ALG2: variants seen among roughly 807,000 people sequenced by gnomAD.
The protein encoded by ALG2 is ALG2 alpha-1,3/1,6-mannosyltransferase.
ALG2 carries 32 observed loss-of-function variants against 30.5 expected under a neutral mutation model. The observed-to-expected ratio is 1.05, with a 90% CI of 0.79 to 1.41. The LOEUF (loss-of-function observed/expected upper bound fraction) is 1.41, where lower values mean the gene tolerates loss of function less well. ALG2 is among the 40% of genes most tolerant of loss of function. The pLI is 0.00. For synonymous variants in ALG2, 253 were observed against 224.8 expected (o/e 1.13, Z -1.12); for missense variants, 574 against 526.4 (o/e 1.09, Z -0.88).
intron 1 of ALG2, 100 bp downstream of exon 1, chr9:99,221,447 C>A: frequency 7.5e-7 from 1 of 1,337,244 alleles, no homozygotes; most frequent in Non-Finnish European, 1.0e-6. Flanking sequence ...CCGATCTTTG[C>A]GAACCGCAGA....
At chr9:99,221,245 G>T in intron 1 of ALG2, 1 of 1,174,198 alleles carries the variant, frequency 8.5e-7, no homozygotes, top group Non-Finnish European at 1.1e-6. Context: ...GTTTCTCAGA[G>T]CCCCAAAGAC....
chr9:99,220,960 C>T (rs763788035), intron 1 of ALG2: 2 of 1,351,742 alleles, frequency 1.5e-6, no homozygotes, highest in South Asian at 2.3e-5. Context: ...CAGGGCAGAT[C>T]CAGGTGGACA....
Position 99,218,199 on chromosome 9 carries a change from A to G in ALG2, c.986T>C (p.Ile329Thr). The G allele has an allele frequency of 6.2e-7, 1 of 1,614,000 alleles. No individual in the cohort carries two copies. The highest frequency in any genetic ancestry group is 8.5e-7 in the Non-Finnish European group (1 of 1,179,854). ...CATGTACATGGCTTCCAGAGGGACA[A>G]TGCCAAAGTGCTCATTGCTTGGTGT... ...LYTPSNEHFGIVPLEAMYMQC... is the reference protein window; with the variant it reads ...LYTPSNEHFGTVPLEAMYMQC... The change falls in exon 2 of 2, where the codon ATT (isoleucine) becomes ACT (threonine). Residue 329 changes from isoleucine to threonine, a missense_variant. Physicochemically the swap from Ile to Thr is moderately conservative, Grantham distance 89 (BLOSUM62 -1). Transcript: ENST00000476832.
In ALG2 at chr9:99,216,963, G is replaced by A. The variant is rs938467868; in HGVS notation, c.*971C>T. The A allele has an allele frequency of 2.2e-6, 1 of 454,118 alleles. No homozygotes were observed. Among genetic ancestry groups the A allele is most frequent in the Non-Finnish European group, 4.4e-6 (1 of 226,796 alleles). 28.1% of individuals were successfully genotyped at this position (454,118 alleles called of 1,614,324 possible). A position where few individuals can be genotyped will look rare whatever the true frequency, so the allele number is the denominator to read the frequency against. On this transcript the variant is annotated 3_prime_UTR_variant, in exon 2 of 2. Coordinates refer to ENST00000476832, the MANE Select transcript of ALG2 (RefSeq NM_033087.4). ...TTATGATTTGCTGTTAGACCAACAG[G>A]TAAACAGTGAACTATAAGTCAGTGT...
rs542429917 is a variant in ALG2 at position 99,217,096 on chromosome 9, T to C, written c.*838A>G. On this transcript the variant is annotated 3_prime_UTR_variant, in exon 2 of 2. Coordinates refer to ENST00000476832, the MANE Select transcript of ALG2 (RefSeq NM_033087.4). Reference sequence around the variant, plus strand: ...AAAGAAAGCTTTGCAGCAGTGGCATTTGAGCCAGGCCTTGGAAGATAAAAA... The same window carrying C: ...AAAGAAAGCTTTGCAGCAGTGGCATCTGAGCCAGGCCTTGGAAGATAAAAA... 3 of 454,098 alleles carry C rather than the reference T, an allele frequency of 6.6e-6. No individual in the cohort carries two copies. Among genetic ancestry groups the C allele is most frequent in the Non-Finnish European group, 1.3e-5 (3 of 226,786 alleles). The allele number at this position is 454,098 out of a possible 1,614,324, so 28.1% of individuals were successfully genotyped here. A position where few individuals can be genotyped will look rare whatever the true frequency, so the allele number is the denominator to read the frequency against.
chr9:99,218,046 G>T lies in ALG2; in HGVS notation c.1139C>A (p.Pro380His), dbSNP rs1255471026. The T allele has an allele frequency of 6.2e-7, 1 of 1,614,162 alleles. No homozygotes were observed. The highest frequency in any genetic ancestry group is 8.5e-7 in the Non-Finnish European group (1 of 1,180,022). ...CAGGCCCATGGTGGCTTTTAAGGAAGGTTCACGGATGAACTTTTCTATTGC... is the reference window on the plus strand; with the variant it reads ...CAGGCCCATGGTGGCTTTTAAGGAATGTTCACGGATGAACTTTTCTATTGC... The part of the protein sequence containing the change: ...SEAIEKFIRE[P>H]SLKATMGLAG... Residue 380 changes from proline to histidine, a missense_variant, in exon 2 of 2, where the codon CCT becomes CAT. Coordinates refer to ENST00000476832, the MANE Select transcript of ALG2 (RefSeq NM_033087.4).
chr9:99,221,474 T>G, intron 1 of ALG2, 73 bp downstream of exon 1: 1 of 1,467,788 alleles, frequency 6.8e-7, no homozygotes, highest in South Asian at 1.2e-5. Context: ...AGGTCTTCTC[T>G]CAGGGGTCAT....
rs1422273901 is a variant in ALG2, at chr9:99,217,465, G to C, written c.*469C>G. The C allele has an allele frequency of 4.4e-6, 2 of 454,306 alleles. No homozygotes were observed. Among genetic ancestry groups the C allele is most frequent in the Non-Finnish European group, 8.8e-6 (2 of 226,920 alleles). 28.1% of individuals were successfully genotyped at this position (454,306 alleles called of 1,614,324 possible). On this transcript the variant is annotated 3_prime_UTR_variant, in exon 2 of 2. Coordinates refer to ENST00000476832, the MANE Select transcript of ALG2 (RefSeq NM_033087.4). ...CTCGCTATGGATCCAGGCAAAGACAGGACAAACAAAAATTCCCTAACAGAT... is the reference window on the plus strand; with the variant it reads ...CTCGCTATGGATCCAGGCAAAGACACGACAAACAAAAATTCCCTAACAGAT...
rs1332905591 is a variant in ALG2, at chr9:99,217,457, CAA to C, written c.*475_*476del. On this transcript the variant is annotated 3_prime_UTR_variant, in exon 2 of 2. Coordinates refer to ENST00000476832, the MANE Select transcript of ALG2 (RefSeq NM_033087.4). The stretch of plus-strand genomic sequence containing the variant: ...AGAGCACTCTCGCTATGGATCCAGG[CAA>C]AGACAGGACAAACAAAAATTCCCTA... The C allele has an allele frequency of 4.4e-6, 2 of 454,220 alleles. No homozygotes were observed. The highest frequency in any genetic ancestry group is 4.4e-6 in the Non-Finnish European group (1 of 226,884). The allele number at this position is 454,220 out of a possible 1,614,324, so 28.1% of individuals were successfully genotyped here. A position where few individuals can be genotyped will look rare whatever the true frequency, so the allele number is the denominator to read the frequency against.
chr9:99,221,086 T>G (rs1828790911), intron 1 of ALG2: 1 of 1,360,560 alleles, frequency 7.3e-7, no homozygotes, highest in Admixed American at 1.9e-5. Context: ...ATGACACTGC[T>G]GAGGACGGTG....
At chr9:99,218,944 C>G in intron 1 of ALG2, 108 bp from the exon 2 acceptor site, 1 of 1,189,530 alleles carries the variant, frequency 8.4e-7, no homozygotes. Flanking sequence ...TCCTCATGGG[C>G]AATGTCTGAT....
rs772364404 is a variant in ALG2 at position 99,218,783 on chromosome 9, T to C, written c.402A>G (p.Leu134=). Reference sequence around the variant, plus strand: ...GCAGATCTGGGAAGTGACAGTAAAATAGGATCTTCTTCCGCCGTCTAGCCA... The same window carrying C: ...GCAGATCTGGGAAGTGACAGTAAAACAGGATCTTCTTCCGCCGTCTAGCCA... The part of the protein sequence containing the change: ...FRLARRRKKI[L]FYCHFPDLLL... Residue 134 remains leucine (L), a synonymous_variant, in exon 2 of 2, where the codon CTA becomes CTG. Transcript: ENST00000476832. 68 of 1,612,046 alleles carry C rather than the reference T, an allele frequency of 4.2e-5. No individual in the cohort carries two copies. The highest frequency in any genetic ancestry group is 5.7e-5 in the Non-Finnish European group (67 of 1,180,018).
Position 99,221,883 on chromosome 9 carries a change from C to G in ALG2, c.12G>C (p.Glu4Asp), listed in dbSNP as rs1036766977. Reference sequence around the variant, plus strand: ...GAACCGAGTCCCGTTCCCGGCCCTGCTCCTCCGCCATGGCCCTGGAGCCGC... The same window carrying G: ...GAACCGAGTCCCGTTCCCGGCCCTGGTCCTCCGCCATGGCCCTGGAGCCGC... MAEEQGRERDSVPK... is the reference protein window; with the variant it reads MAEDQGRERDSVPK... The change falls in exon 1 of 2, where the codon GAG becomes GAC. Residue 4 changes from glutamate to aspartate, a missense_variant. By Grantham distance (45) the Glu-to-Asp change is conservative. Coordinates refer to ENST00000476832, the MANE Select transcript of ALG2 (RefSeq NM_033087.4). The G allele has an allele frequency of 6.3e-7, 1 of 1,588,354 alleles. No individual in the cohort carries two copies. The highest frequency in any genetic ancestry group is 8.5e-7 in the Non-Finnish European group (1 of 1,174,822).
chr9:99,220,660 A>T (rs895416631), intron 1 of ALG2, among the ~76,000 whole-genome samples: 1 of 151,734 alleles, frequency 6.6e-6, no homozygotes, highest in Non-Finnish European at 1.5e-5. Context: ...ATAAATAAAT[A>T]AATTTTTGCT....
In ALG2 at chr9:99,218,044, A is replaced by T. The variant is rs768021934; in HGVS notation, c.1141T>A (p.Ser381Thr). 1 of 1,614,206 alleles carries T rather than the reference A, an allele frequency of 6.2e-7. No individual in the cohort carries two copies. The highest frequency in any genetic ancestry group is 1.7e-5 in the Admixed American group (1 of 60,028). The change falls in exon 2 of 2, where the codon TCC (serine) becomes ACC (threonine). Residue 381 changes from serine (S) to threonine (T), a missense_variant. Coordinates refer to ENST00000476832, the MANE Select transcript of ALG2 (RefSeq NM_033087.4). ...GCCAGGCCCATGGTGGCTTTTAAGG[A>T]AGGTTCACGGATGAACTTTTCTATT... The part of the protein sequence containing the change: ...EAIEKFIREP[S>T]LKATMGLAGR...
In ALG2 at chr9:99,217,711, C is replaced by G; in HGVS notation, c.*223G>C. ...ACATGGAATGACACCACATTTGTAA[C>G]TTAACACTGGCAAAATTTGGAATGA... On this transcript the variant is annotated 3_prime_UTR_variant, in exon 2 of 2. Transcript: ENST00000476832. 1 of 666,854 alleles carries G rather than the reference C, an allele frequency of 1.5e-6. No homozygotes were observed. The highest frequency in any genetic ancestry group is 2.7e-6 in the Non-Finnish European group (1 of 365,958). The allele number at this position is 666,854 out of a possible 1,614,324, so 41.3% of individuals were successfully genotyped here. A position where few individuals can be genotyped will look rare whatever the true frequency, so the allele number is the denominator to read the frequency against.
rs200138333 is a variant in ALG2 at position 99,218,147 on chromosome 9, C to T, written c.1038G>A (p.Ser346=). ...GGTCAATGGACTCCAAGGGTCCACCCGAATTAACAGCAATGACTGGGCACT... is the reference window on the plus strand; with the variant it reads ...GGTCAATGGACTCCAAGGGTCCACCTGAATTAACAGCAATGACTGGGCACT... ...YMQCPVIAVN[S]GGPLESIDHS... Residue 346 remains serine, a synonymous_variant, in exon 2 of 2, where the codon TCG becomes TCA. Coordinates refer to ENST00000476832, the MANE Select transcript of ALG2 (RefSeq NM_033087.4). 4.8e-5 allele frequency: 78 copies of T among 1,611,132 alleles called. No individual in the cohort carries two copies. Among genetic ancestry groups the T allele is most frequent in the Admixed American group, 1.2e-4 (7 of 59,934 alleles).
Position 99,216,543 on chromosome 9 carries a change from A to C in ALG2, c.*1391T>G, listed in dbSNP as rs1828692351. On this transcript the variant is annotated 3_prime_UTR_variant, in exon 2 of 2. Coordinates refer to ENST00000476832, the MANE Select transcript of ALG2 (RefSeq NM_033087.4). ...CAAAATACTCCTGTGATACAGATGC[A>C]CATGATAAACTGTAAAATGGAATTT... is the stretch of plus-strand genomic sequence containing the variant. 4.4e-6 allele frequency: 2 copies of C among 454,028 alleles called. No individual in the cohort carries two copies. The highest frequency in any genetic ancestry group is 8.8e-6 in the Non-Finnish European group (2 of 226,808). 28.1% of individuals were successfully genotyped at this position (454,028 alleles called of 1,614,324 possible).
At chr9:99,220,422 C>CA (rs1239808053) in intron 1 of ALG2, among the ~76,000 whole-genome samples, 1 of 152,140 alleles carries the variant, frequency 6.6e-6, no homozygotes, top group African/African-American at 2.4e-5. Context: ...CCTGTAATCC[C>CA]AGCACTTTGG....
Sources: allele counts gnomAD v4.1 joint callset (sites outside exome capture counted in the v4.1 genomes callset), GRCh38; gene constraint gnomAD v4.1.1; transcripts MANE v1.5; gene names NCBI Gene and HGNC (gene_info 2026-07-23, HGNC 2026-07-21).